Variants in TCF20 observed in about 807,000 individuals in gnomAD.
TCF20 encodes the protein transcription factor 20.
Under a neutral mutation model 148.6 loss-of-function variants are expected in TCF20, and 3 were observed. The observed-to-expected ratio is 0.02, with a 90% CI of 0.01 to 0.05. The LOEUF (loss-of-function observed/expected upper bound fraction) is 0.05. TCF20 is among the 10% of genes least tolerant of loss of function. The probability of loss-of-function intolerance (pLI) is 1.00; values close to 1 mark genes in which losing one functional copy is unlikely to be tolerated. For synonymous variants in TCF20, 1,049 were observed against 909.5 expected, an observed-to-expected ratio of 1.15 and a Z score of -2.76; for missense variants, 2,350 against 2,429.3, an observed-to-expected ratio of 0.97 and a Z score of 0.69.
upstream of TCF20, among the ~76,000 whole-genome samples, chr22:42,270,711 C>T (rs1926571015): frequency 1.4e-5 from 1 of 73,008 alleles, no homozygotes; most frequent in Non-Finnish European, 2.9e-5. Context: ...GGCGCGCGGG[C>T]GGGCGGGAGG....
Position 42,211,764 on chromosome 22 carries a change from G to T in TCF20, c.3542C>A (p.Ser1181Tyr), listed in dbSNP as rs764910154. 1.2e-6 allele frequency: 2 copies of T among 1,614,162 alleles called. No individual in the cohort carries two copies. The highest frequency in any genetic ancestry group is 1.7e-6 in the Non-Finnish European group (2 of 1,180,028). ...PNKGMELKHG[S>Y]QKLQESCWDL... ...CCAACAGGATTCTTGTAACTTCTGG[G>T]AGCCATGCTTTAATTCCATGCCCTT... The change falls in exon 2 of 6, where the codon TCC (serine) becomes TAC (tyrosine). Residue 1181 changes from serine to tyrosine, a missense_variant. Transcript: ENST00000677622.
intron 1 of TCF20, among the ~76,000 whole-genome samples, chr22:42,323,930 T>TGGTGGA (rs1347953911): frequency 2.0e-4 from 20 of 99,416 alleles, no homozygotes; most frequent in African/African-American, 6.5e-4. Context: ...GAGGTTATGG[T>TGGTGGA]GGTGGTGGTG....
chr22:42,187,148 T>C (rs1456677220), intron 2 of TCF20, among the ~76,000 whole-genome samples: 1 of 152,212 alleles, frequency 6.6e-6, no homozygotes, highest in Non-Finnish European at 1.5e-5. Context: ...CTGGACCCTC[T>C]GCTGCCATGT....
Position 42,279,994 on chromosome 22 carries a change from G to A in TCF20, c.-37+3833C>T, listed in dbSNP as rs913611191. Among the ~76,000 whole-genome samples, 20 of 152,176 alleles carry A rather than the reference G, an allele frequency of 1.3e-4. No individual in the cohort carries two copies. Among genetic ancestry groups the A allele is most frequent in the African/African-American group, 4.8e-4 (20 of 41,428 alleles). On this transcript the variant is annotated intron_variant, in intron 1 of 5. Coordinates refer to the TCF20 transcript ENST00000359486. This position sits in a 1 kb window ranked among gnomAD's most constrained non-coding sequence, Gnocchi z 4.3. Reference sequence around the variant, plus strand: ...AGCTGCTACTGGGCTGGGCCCTCTCGGTCCCTGAGCCTAGACCAGGTGAGT... The same window carrying A: ...AGCTGCTACTGGGCTGGGCCCTCTCAGTCCCTGAGCCTAGACCAGGTGAGT...
At chr22:42,258,266 C>A (rs1025151479) in intron 1 of TCF20, among the ~76,000 whole-genome samples, 10 of 147,170 alleles carry the variant, frequency 6.8e-5, no homozygotes, top group East Asian at 1.9e-4. Context: ...CTCCATACCT[C>A]CCCCCCCTTC....
chr22:42,174,040 C>T (rs920007804), intron 3 of TCF20, among the ~76,000 whole-genome samples: 1 of 152,142 alleles, frequency 6.6e-6, no homozygotes, highest in Non-Finnish European at 1.5e-5. Flanking sequence ...TCCTGCGCTT[C>T]TCTGCTGGTG....
At chr22:42,179,918 G>A (rs1251792665) in intron 2 of TCF20, among the ~76,000 whole-genome samples, 1 of 152,114 alleles carries the variant, frequency 6.6e-6, no homozygotes, top group African/African-American at 2.4e-5. Context: ...CCTCACAAAT[G>A]TTCTCAAATC....
At chr22:42,172,697 G>C (rs902860396) in intron 3 of TCF20, among the ~76,000 whole-genome samples, 1 of 152,250 alleles carries the variant, frequency 6.6e-6, no homozygotes, top group African/African-American at 2.4e-5. Context: ...GCTGAGGATG[G>C]TGGGCTCAAG....
intron 1 of TCF20, among the ~76,000 whole-genome samples, chr22:42,282,565 C>T (rs1353156965): frequency 1.3e-5 from 2 of 152,234 alleles, no homozygotes; most frequent in Non-Finnish European, 2.9e-5. Flanking sequence ...ATCCCAGCCT[C>T]GGTCCCAGGT....
rs1001936377 is a variant in TCF20, at chr22:42,211,984, C to T, written c.3322G>A (p.Val1108Ile). 6.2e-7 allele frequency: 1 copy of T among 1,614,104 alleles called. No individual in the cohort carries two copies. Among genetic ancestry groups the T allele is most frequent in the African/African-American group, 1.3e-5 (1 of 74,930 alleles). ...KDWSSGSAQG[V>I]IAAAQHRQEG... ...TGCCTGTGCTGTGCTGCAGCAATTA[C>T]TCCCTGAGCAGAACCGCTGCTCCAG... The change falls in exon 2 of 6, where the codon GTA (valine) becomes ATA (isoleucine). Residue 1108 changes from valine (V) to isoleucine (I), a missense_variant. By Grantham distance (29) the Val-to-Ile change is conservative. Transcript: ENST00000677622.
intron 3 of TCF20, among the ~76,000 whole-genome samples, chr22:42,170,947 C>T (rs369170836): frequency 2.1e-4 from 32 of 152,156 alleles, no homozygotes; most frequent in Admixed American, 2.0e-3. Flanking sequence ...CCACGACCCA[C>T]GGAGACACAG....
intron 1 of TCF20, among the ~76,000 whole-genome samples, chr22:42,303,963 A>T (rs1927386529): frequency 6.6e-6 from 1 of 150,630 alleles, no homozygotes; most frequent in Admixed American, 6.6e-5. Context: ...AAGAGGGGCC[A>T]CTCTCTCCCA....
chr22:42,193,091 T>C (rs899317131), intron 2 of TCF20, among the ~76,000 whole-genome samples: 1 of 152,090 alleles, frequency 6.6e-6, no homozygotes, highest in East Asian at 1.9e-4. Context: ...TCTACATTTC[T>C]GTTTCAGAAG....
Position 42,338,846 on chromosome 22 carries a change from C to T in TCF20, c.-37+4633G>A, listed in dbSNP as rs1201416308. Among the ~76,000 whole-genome samples the T allele has an allele frequency of 6.6e-6, 1 of 152,150 alleles. No individual in the cohort carries two copies. Among genetic ancestry groups the T allele is most frequent in the Non-Finnish European group, 1.5e-5 (1 of 68,028 alleles). On this transcript the variant is annotated intron_variant, in intron 1 of 1. Coordinates refer to the TCF20 transcript ENST00000515426. This position sits in a 1 kb window ranked among gnomAD's most constrained non-coding sequence, Gnocchi z 4.0. ...AATTGGGCTGGAGTCCCTTCAGATG[C>T]ATTATAAATATAAAGGCTAAAATTC...
At position 42,212,796 on chromosome 22, in the gene TCF20, G is replaced by A. The variant is rs1921143001; in HGVS notation, c.2510C>T (p.Thr837Ile). Residue 837 changes from threonine (T) to isoleucine (I), a missense_variant, in exon 2 of 6, where the codon ACT (threonine) becomes ATT (isoleucine). Physicochemically the swap from Thr to Ile is moderately conservative, Grantham distance 89. Transcript: ENST00000677622. ...TAPEMKQINL[T>I]DYPIPRKFEI... Reference sequence around the variant, plus strand: ...AAACTTTCTGGGAATTGGATAGTCAGTCAAATTGATCTGTTTCATTTCAGG... The same window carrying A: ...AAACTTTCTGGGAATTGGATAGTCAATCAAATTGATCTGTTTCATTTCAGG... 3 of 1,614,116 alleles carry A rather than the reference G, an allele frequency of 1.9e-6. No individual in the cohort carries two copies. Among genetic ancestry groups the A allele is most frequent in the South Asian group, 1.1e-5 (1 of 91,092 alleles).
intron 1 of TCF20, among the ~76,000 whole-genome samples, chr22:42,245,097 A>G (rs1234180727): frequency 6.6e-6 from 1 of 152,164 alleles, no homozygotes; most frequent in Non-Finnish European, 1.5e-5. Flanking sequence ...GAGAAAAAGA[A>G]AAAGAAAAAA....
chr22:42,229,401 C>T (rs1206796068), intron 1 of TCF20, among the ~76,000 whole-genome samples: 2 of 152,168 alleles, frequency 1.3e-5, no homozygotes, highest in African/African-American at 4.8e-5. Context: ...TCTGTAACTT[C>T]CATAAACAGC....
At chr22:42,161,495 A>G in intron 5 of TCF20, 137 bp from the exon 6 acceptor site, 1 of 1,133,834 alleles carries the variant, frequency 8.8e-7, no homozygotes, top group Non-Finnish European at 1.3e-6. Context: ...TGCTGCTGAT[A>G]TGGGACACAC....
chr22:42,317,177 C>T lies in TCF20; in HGVS notation c.-37+26302G>A, dbSNP rs555350984. Among the ~76,000 whole-genome samples, 32 of 152,288 alleles carry T rather than the reference C, an allele frequency of 2.1e-4. 1 individual carries two copies. The South Asian group carries it at 3.1e-3, about 15-fold the overall frequency. On this transcript the variant is annotated intron_variant, in intron 1 of 1. Transcript: ENST00000515426. This position sits in a 1 kb window ranked among gnomAD's most constrained non-coding sequence, Gnocchi z 4.2. ...TGACTCACCCCACCTTCCCCGCCCG[C>T]CCTCACTCGGCACACCCTCAACATT... is the stretch of plus-strand genomic sequence containing the variant.
Sources: allele counts gnomAD v4.1 joint callset (sites outside exome capture counted in the v4.1 genomes callset), GRCh38; gene constraint gnomAD v4.1.1; non-coding constraint Gnocchi (gnomAD v3.1); transcripts MANE v1.5; gene names NCBI Gene and HGNC (gene_info 2026-07-23, HGNC 2026-07-21).